Variants in MAF observed in about 807,000 individuals in gnomAD.
MAF encodes transcription factor Maf.
MAF carries 10 observed loss-of-function variants against 22.0 expected under a neutral mutation model. That is an observed-to-expected ratio of 0.45 (90% CI 0.28 to 0.77). The LOEUF is 0.77. Ranked by LOEUF, MAF falls within the 30% of genes least tolerant of loss-of-function variation. The probability of loss-of-function intolerance (pLI) is 0.12; values close to 1 mark genes in which losing one functional copy is unlikely to be tolerated. For synonymous variants in MAF, 337 were observed against 255.8 expected, an observed-to-expected ratio of 1.32 and a Z score of -3.03; for missense variants, 544 against 548.4, an observed-to-expected ratio of 0.99 and a Z score of 0.08.
At chr16:79,384,650 A>C in the MAF span, among the ~76,000 whole-genome samples, 1 of 148,466 alleles carries the variant, frequency 6.7e-6, no homozygotes, top group Non-Finnish European at 1.5e-5. Flanking sequence ...CCAGCTACTC[A>C]GGAGGCTGAG....
the MAF span, among the ~76,000 whole-genome samples, chr16:79,415,900 C>G: frequency 6.6e-6 from 1 of 152,130 alleles, no homozygotes; most frequent in African/African-American, 2.4e-5. Context: ...GGGCCATACT[C>G]TTGCATCCCT....
At chr16:79,223,411 G>T in the MAF span, among the ~76,000 whole-genome samples, 5 of 150,910 alleles carry the variant, frequency 3.3e-5, no homozygotes, top group East Asian at 2.0e-4. Flanking sequence ...GAGAAAGCAG[G>T]AAAGATCTAA....
At chr16:79,346,825 G>A in the MAF span, among the ~76,000 whole-genome samples, 8 of 152,168 alleles carry the variant, frequency 5.3e-5, no homozygotes, top group South Asian at 2.1e-4. Flanking sequence ...CCCAAATACC[G>A]TCCTTTTGCA....
At chr16:79,273,608 G>A in the MAF span, among the ~76,000 whole-genome samples, 1 of 152,130 alleles carries the variant, frequency 6.6e-6, no homozygotes, top group African/African-American at 2.4e-5. Flanking sequence ...ACATTCCTTG[G>A]CTTTTGGCTC....
At chr16:79,225,545 T>C in the MAF span, among the ~76,000 whole-genome samples, 53 of 152,178 alleles carry the variant, frequency 3.5e-4, 1 homozygote, top group African/African-American at 1.2e-3. Context: ...TTAAACTAAA[T>C]AGCTTCTTCA....
the MAF span, among the ~76,000 whole-genome samples, chr16:79,528,717 G>A: frequency 6.6e-6 from 1 of 151,900 alleles, no homozygotes; most frequent in African/African-American, 2.4e-5. Context: ...CTATATTAGG[G>A]CTATTATTGA....
At chr16:79,413,235 T>G in the MAF span, among the ~76,000 whole-genome samples, 6 of 73,490 alleles carry the variant, frequency 8.2e-5, no homozygotes, top group Admixed American at 1.4e-4. Flanking sequence ...TTTTTTTTTT[T>G]TTTTTTTTTT....
At chr16:79,217,986 TAAAAAAAAAAAAAAAAAAA>T in the MAF span, among the ~76,000 whole-genome samples, 13 of 52,124 alleles carry the variant, frequency 2.5e-4, 1 homozygote, top group South Asian at 4.5e-3. Context: ...GAAGCTTATG[TAAAAAAAAAAAAAAAAAAA>T]AAAAAAAAAA....
the MAF span, among the ~76,000 whole-genome samples, chr16:79,301,336 G>T: frequency 0.2 from 30,984 of 151,908 alleles, 4,630 homozygotes; most frequent in African/African-American, 0.43. Flanking sequence ...TTCAAGCTGC[G>T]TTTGTGGATT....
the MAF span, among the ~76,000 whole-genome samples, chr16:79,527,741 G>A: frequency 1.3e-5 from 2 of 152,198 alleles, no homozygotes; most frequent in Non-Finnish European, 2.9e-5. Context: ...GTTTGAAGAA[G>A]TGAATATTGT....
chr16:79,561,077 T>C, the MAF span, among the ~76,000 whole-genome samples: 1 of 152,198 alleles, frequency 6.6e-6, no homozygotes, highest in African/African-American at 2.4e-5. Context: ...CCAAGACCTG[T>C]ATCTTTAACT....
At chr16:79,253,661 G>C in the MAF span, among the ~76,000 whole-genome samples, 1 of 152,002 alleles carries the variant, frequency 6.6e-6, no homozygotes, top group Non-Finnish European at 1.5e-5. Context: ...GCTCCACTGA[G>C]CTCCCTCCTT....
chr16:79,598,304 C>T, intron 1 of MAF: 5 of 1,091,644 alleles, frequency 4.6e-6, no homozygotes, highest in Non-Finnish European at 5.6e-6. Flanking sequence ...CACACACACA[C>T]AGAAAATGAA....
At chr16:79,576,025 C>T in the MAF span, among the ~76,000 whole-genome samples, 47 of 152,132 alleles carry the variant, frequency 3.1e-4, no homozygotes, top group African/African-American at 1.1e-3. Flanking sequence ...GCCACTCCCA[C>T]TATTAATGGG....
chr16:79,536,339 T>C, the MAF span, among the ~76,000 whole-genome samples: 1 of 152,152 alleles, frequency 6.6e-6, no homozygotes, highest in East Asian at 1.9e-4. Flanking sequence ...AAATGGGAAT[T>C]GAAAATATTG....
the MAF span, among the ~76,000 whole-genome samples, chr16:79,495,555 T>C: frequency 1.3e-5 from 2 of 152,194 alleles, no homozygotes; most frequent in Non-Finnish European, 2.9e-5. Context: ...AGACCACATA[T>C]AGATTTCTTC....
the MAF span, among the ~76,000 whole-genome samples, chr16:79,346,934 T>A: frequency 2.0e-5 from 3 of 152,196 alleles, no homozygotes; most frequent in African/African-American, 4.8e-5. Context: ...TTTATTTTTT[T>A]AAGCTCCTCA....
chr16:79,332,833 T>C, the MAF span, among the ~76,000 whole-genome samples: 1 of 152,224 alleles, frequency 6.6e-6, no homozygotes, highest in Non-Finnish European at 1.5e-5. Context: ...AAGCCAGCAC[T>C]ATTTCTACTA....
the MAF span, among the ~76,000 whole-genome samples, chr16:79,218,470 G>C: frequency 6.6e-6 from 1 of 152,158 alleles, no homozygotes; most frequent in Admixed American, 6.5e-5. Context: ...TAGAACTGGA[G>C]TTCCTTGATC....
Sources: allele counts gnomAD v4.1 joint callset (sites outside exome capture counted in the v4.1 genomes callset), GRCh38; gene constraint gnomAD v4.1.1; transcripts MANE v1.5; gene names NCBI Gene and HGNC (gene_info 2026-07-23, HGNC 2026-07-21).